Variants in TRIM2 observed in about 807,000 individuals in gnomAD.
TRIM2 encodes the protein tripartite motif-containing protein 2.
Under a neutral mutation model 75.2 loss-of-function variants are expected in TRIM2, and 20 were observed. The ratio of observed to expected loss-of-function variants is 0.27; its 90% CI spans 0.19 to 0.39. TRIM2 has a LOEUF of 0.39. Among genes scored for constraint, TRIM2 ranks in the 10% least tolerant of loss-of-function variants. TRIM2 has a pLI of 1.00. For synonymous variants in TRIM2, 373 were observed against 388.3 expected (o/e 0.96, Z 0.46); for missense variants, 660 against 990.8 (o/e 0.67, Z 4.48).
intron 11 of TRIM2, among the ~76,000 whole-genome samples, chr4:153,332,046 T>C (rs1157990537): frequency 1.3e-5 from 2 of 152,216 alleles, no homozygotes; most frequent in African/African-American, 2.4e-5. Context: ...TAGAAGATAA[T>C]GTTTGAGGAG....
intron 1 of TRIM2, among the ~76,000 whole-genome samples, chr4:153,164,653 A>G (rs1338582802): frequency 6.6e-6 from 1 of 152,176 alleles, no homozygotes; most frequent in Non-Finnish European, 1.5e-5. Context: ...CCTCTCCCAT[A>G]TCCTTCCTGA....
chr4:153,336,116 T>TTA lies in TRIM2; in HGVS notation c.*1167_*1168dup, dbSNP rs34423384. 218,917 of 894,116 alleles carry TTA rather than the reference T, an allele frequency of 0.24. 10,253 individuals are homozygous for TTA. The highest frequency in any genetic ancestry group is 0.45 in the African/African-American group (24,089 of 54,032). 55.4% of individuals were successfully genotyped at this position (894,116 alleles called of 1,614,324 possible). A position where few individuals can be genotyped will look rare whatever the true frequency, so the allele number is the denominator to read the frequency against. ...CATGATTAGGGTAAGATAGAATGTA[T>TTA]TATATATATATATATATACACACAC... On this transcript the variant is annotated 3_prime_UTR_variant, in exon 12 of 12. Coordinates refer to ENST00000338700, the MANE Select transcript of TRIM2 (RefSeq NM_015271.5).
At chr4:153,300,978 G>A (rs1763780382) in intron 6 of TRIM2, among the ~76,000 whole-genome samples, 1 of 151,622 alleles carries the variant, frequency 6.6e-6, no homozygotes, top group East Asian at 1.9e-4. Flanking sequence ...ATCACCTGAG[G>A]GCAGGAGTTT....
chr4:153,302,289 C>T (rs1345392463), intron 6 of TRIM2, among the ~76,000 whole-genome samples: 1 of 152,154 alleles, frequency 6.6e-6, no homozygotes, highest in African/African-American at 2.4e-5. Context: ...AGTCAAAAGA[C>T]AACACTCACT....
At chr4:153,282,078 T>G (rs1275488318) in intron 3 of TRIM2, among the ~76,000 whole-genome samples, 1 of 152,238 alleles carries the variant, frequency 6.6e-6, no homozygotes, top group Admixed American at 6.5e-5. Context: ...GCCAGTCTCT[T>G]CTGGTGAACA....
intron 3 of TRIM2, among the ~76,000 whole-genome samples, chr4:153,287,900 G>A (rs1761006821): frequency 6.6e-6 from 1 of 152,012 alleles, no homozygotes; most frequent in South Asian, 2.1e-4. Context: ...AGGTTACTTT[G>A]TAGTGTATCA....
chr4:153,198,158 A>G (rs1733967061), intron 1 of TRIM2, among the ~76,000 whole-genome samples: 1 of 152,184 alleles, frequency 6.6e-6, no homozygotes, highest in Non-Finnish European at 1.5e-5. Context: ...TCTAAAACAC[A>G]TAATTTAAGC....
chr4:153,279,942 CAA>C (rs3048123), intron 3 of TRIM2, among the ~76,000 whole-genome samples: 38,291 of 103,834 alleles, frequency 0.37, 7,443 homozygotes, highest in African/African-American at 0.64. Flanking sequence ...GACTCTGTCT[CAA>C]AAAAAAAAAA....
chr4:153,153,828 G>A (rs1448113677), intron 1 of TRIM2, among the ~76,000 whole-genome samples: 4 of 152,204 alleles, frequency 2.6e-5, no homozygotes, highest in Admixed American at 2.0e-4. Context: ...AGCGCCTTTG[G>A]GATTTCAGAG....
intron 1 of TRIM2, among the ~76,000 whole-genome samples, chr4:153,172,137 AGT>A (rs1384657999): frequency 2.3e-4 from 12 of 52,948 alleles, no homozygotes; most frequent in African/African-American, 9.6e-4. Context: ...CTTTTATGAT[AGT>A]AATTTTTTTT....
chr4:153,163,493 A>ATATTTTTTTTTTTTTTTTTTTTTTTT lies in TRIM2; in HGVS notation c.-49+10224_-49+10225insATTTTTTTTTTTTTTTTTTTTTTTTT, dbSNP rs1390228832. Among the ~76,000 whole-genome samples, 2 of 80,882 alleles carry ATATTTTTTTTTTTTTTTTTTTTTTTT rather than the reference A, an allele frequency of 2.5e-5. 1 individual carries two copies. The allele number at this position is 80,882 out of a possible 152,430, so 53.1% of individuals were successfully genotyped here. A position where few individuals can be genotyped will look rare whatever the true frequency, so the allele number is the denominator to read the frequency against. On this transcript the variant is annotated intron_variant, in intron 1 of 11. Transcript: ENST00000437508. ...ACCACTGCACCCAACCTAGATTTAC[A>ATATTTTTTTTTTTTTTTTTTTTTTTT]TCTTTTTTTTTTTTTTTTTTTTTTT...
chr4:153,298,332 G>A (rs1357895114), intron 6 of TRIM2, among the ~76,000 whole-genome samples: 1 of 152,164 alleles, frequency 6.6e-6, no homozygotes, highest in Non-Finnish European at 1.5e-5. Flanking sequence ...TGAAAAACTG[G>A]AACTGTTTTA....
chr4:153,328,225 A>C (rs1770673386), intron 10 of TRIM2, among the ~76,000 whole-genome samples: 1 of 152,234 alleles, frequency 6.6e-6, no homozygotes, highest in South Asian at 2.1e-4. Context: ...AAATTATAGC[A>C]CTTCTTACTC....
At chr4:153,207,335 G>A (rs6535907) in intron 1 of TRIM2, among the ~76,000 whole-genome samples, 21,883 of 152,110 alleles carry the variant, frequency 0.14, 1,597 homozygotes, top group African/African-American at 0.18. Flanking sequence ...CAAAGAACAC[G>A]GGTTTAAAAA....
At chr4:153,300,563 G>C (rs1053865534) in intron 6 of TRIM2, among the ~76,000 whole-genome samples, 8 of 150,966 alleles carry the variant, frequency 5.3e-5, no homozygotes, top group African/African-American at 1.9e-4. Flanking sequence ...TTTTTTTTGA[G>C]ACAGATTCTT....
At chr4:153,177,802 T>G (rs1731624885) in intron 1 of TRIM2, among the ~76,000 whole-genome samples, 1 of 150,478 alleles carries the variant, frequency 6.6e-6, no homozygotes, top group African/African-American at 2.5e-5. Flanking sequence ...TTTCTCTTTC[T>G]CCCTTTCCTC....
At chr4:153,193,353 G>T (rs761851959) in intron 1 of TRIM2, among the ~76,000 whole-genome samples, 2 of 151,904 alleles carry the variant, frequency 1.3e-5, no homozygotes, top group Non-Finnish European at 1.5e-5. Flanking sequence ...GGATGGTCTC[G>T]ATCTCCTGAC....
At chr4:153,288,253 A>G (rs747546454) in intron 3 of TRIM2, among the ~76,000 whole-genome samples, 3 of 152,012 alleles carry the variant, frequency 2.0e-5, no homozygotes, top group Non-Finnish European at 2.9e-5. Context: ...CCTGGCCAAC[A>G]TGGTGAAACC....
intron 1 of TRIM2, among the ~76,000 whole-genome samples, chr4:153,208,808 T>C (rs1200853242): frequency 1.3e-5 from 2 of 152,172 alleles, no homozygotes; most frequent in Non-Finnish European, 2.9e-5. Context: ...CGATGGAGGT[T>C]TCTAGATGAT....
Sources: gnomAD v4.1 joint callset for allele counts (sites outside exome capture counted in the v4.1 genomes callset) on GRCh38, gnomAD v4.1.1 for gene constraint, MANE v1.5 for transcripts, NCBI Gene and HGNC (gene_info 2026-07-23, HGNC 2026-07-21) for gene names.